The following TASP1 variants were observed in gnomAD, a reference collection of about 807,000 sequenced individuals.
The protein encoded by TASP1 is threonine aspartase 1.
TASP1 carries 16 observed loss-of-function variants against 56.6 expected under a neutral mutation model. That is an observed-to-expected ratio of 0.28 (90% confidence interval 0.19 to 0.43). The LOEUF (loss-of-function observed/expected upper bound fraction) is 0.43. Ranked by LOEUF, TASP1 falls within the 20% of genes least tolerant of loss-of-function variation. TASP1 has a pLI of 1.00. For missense variants in TASP1, 393 were observed against 511.6 expected (o/e 0.77, Z 2.24); for synonymous variants, 179 against 184.2 (o/e 0.97, Z 0.23).
chr20:13,408,364 G>T (rs894035618), intron 13 of TASP1, among the ~76,000 whole-genome samples: 2 of 152,026 alleles, frequency 1.3e-5, no homozygotes, highest in South Asian at 2.1e-4. Context: ...ACCTTATTTG[G>T]TGTCCACGGG....
intron 11 of TASP1, among the ~76,000 whole-genome samples, chr20:13,469,809 T>TTTTTTTTTG (rs2044413593): frequency 8.3e-6 from 1 of 120,654 alleles, no homozygotes; most frequent in Non-Finnish European, 1.8e-5. Context: ...TTTTTTTTTT[T>TTTTTTTTTG]TTTTTTTTTT....
the TASP1 span, among the ~76,000 whole-genome samples, chr20:13,198,651 T>C: frequency 2.0e-5 from 3 of 152,208 alleles, no homozygotes; most frequent in Non-Finnish European, 2.9e-5. Flanking sequence ...ACTATGTTTT[T>C]CAGTTTTAAA....
At chr20:13,365,741 A>G in the TASP1 span, among the ~76,000 whole-genome samples, 1 of 152,224 alleles carries the variant, frequency 6.6e-6, no homozygotes, top group Non-Finnish European at 1.5e-5. Context: ...TATGGTAAGA[A>G]GTTTTGGGTT....
chr20:13,447,905 T>C (rs1159030635), intron 11 of TASP1, among the ~76,000 whole-genome samples: 1 of 152,168 alleles, frequency 6.6e-6, no homozygotes, highest in African/African-American at 2.4e-5. Context: ...GCAAATATTT[T>C]TCCCCAGTTG....
the TASP1 span, among the ~76,000 whole-genome samples, chr20:13,143,886 A>G: frequency 1.3e-5 from 2 of 151,962 alleles, no homozygotes; most frequent in African/African-American, 4.8e-5. Context: ...CTCCTCGCCC[A>G]TTTCAGACAT....
At chr20:13,427,423 G>C (rs1297758116) in intron 12 of TASP1, among the ~76,000 whole-genome samples, 1 of 152,192 alleles carries the variant, frequency 6.6e-6, no homozygotes, top group Non-Finnish European at 1.5e-5. Context: ...TGATTTGATA[G>C]AGCTATGTCT....
At chr20:13,302,117 T>TAGGA in the TASP1 span, among the ~76,000 whole-genome samples, 1 of 152,130 alleles carries the variant, frequency 6.6e-6, no homozygotes, top group South Asian at 2.1e-4. Context: ...TCTAAGGTAT[T>TAGGA]TTTGTTAAGG....
At chr20:13,306,247 T>C in the TASP1 span, among the ~76,000 whole-genome samples, 2 of 152,302 alleles carry the variant, frequency 1.3e-5, no homozygotes, top group East Asian at 3.9e-4. Context: ...CAAGCCTGAC[T>C]TTTAAAAAAG....
intron 11 of TASP1, among the ~76,000 whole-genome samples, chr20:13,439,563 G>A (rs2043142735): frequency 6.6e-6 from 1 of 152,094 alleles, no homozygotes; most frequent in Admixed American, 6.6e-5. Flanking sequence ...GTTAAGTGAC[G>A]AGTTACTGGG....
At chr20:13,524,793 C>T (rs1406471358) in intron 10 of TASP1, among the ~76,000 whole-genome samples, 1 of 152,180 alleles carries the variant, frequency 6.6e-6, no homozygotes, top group Non-Finnish European at 1.5e-5. Flanking sequence ...GACAGAGCTG[C>T]CACTGCCTCT....
At chr20:13,249,850 C>G in the TASP1 span, among the ~76,000 whole-genome samples, 2 of 151,858 alleles carry the variant, frequency 1.3e-5, no homozygotes, top group East Asian at 3.9e-4. Flanking sequence ...CTGGCATGTT[C>G]ATTACAACTT....
At chr20:13,150,855 T>C in the TASP1 span, among the ~76,000 whole-genome samples, 1 of 152,334 alleles carries the variant, frequency 6.6e-6, no homozygotes, top group East Asian at 1.9e-4. Context: ...CTCTAGCTTT[T>C]TGTGTGGTTA....
intron 13 of TASP1, 54 bp from the exon 14 acceptor site, chr20:13,390,506 C>T: frequency 3.9e-6 from 6 of 1,529,134 alleles, no homozygotes; most frequent in Non-Finnish European, 5.4e-6. Context: ...TGTCCCTTGC[C>T]ACACCCCTAC....
chr20:13,466,356 T>C (rs1007593800), intron 11 of TASP1, among the ~76,000 whole-genome samples: 1 of 152,216 alleles, frequency 6.6e-6, no homozygotes. Context: ...CACGCCTTTA[T>C]TTTGACATTG....
chr20:13,483,370 A>G, intron 10 of TASP1, 33 bp from the exon 11 acceptor site: 1 of 1,477,542 alleles, frequency 6.8e-7, no homozygotes, highest in Non-Finnish European at 9.2e-7. Flanking sequence ...AGTTGAGGAA[A>G]AGCAGCACCG....
intron 12 of TASP1, among the ~76,000 whole-genome samples, chr20:13,421,603 C>T (rs1279947922): frequency 6.6e-6 from 1 of 152,040 alleles, no homozygotes; most frequent in Admixed American, 6.6e-5. Flanking sequence ...ATTTACATTA[C>T]TCATACTAAA....
the TASP1 span, among the ~76,000 whole-genome samples, chr20:13,296,720 G>A: frequency 2.6e-5 from 4 of 152,132 alleles, no homozygotes; most frequent in Non-Finnish European, 2.9e-5. Flanking sequence ...TCAAAGTTTG[G>A]TTAAGATGCA....
At chr20:13,195,960 C>T in the TASP1 span, among the ~76,000 whole-genome samples, 2 of 152,072 alleles carry the variant, frequency 1.3e-5, no homozygotes, top group Non-Finnish European at 2.9e-5. Flanking sequence ...CAATGATACC[C>T]AAGTGTATTT....
the TASP1 span, among the ~76,000 whole-genome samples, chr20:13,345,066 C>G: frequency 2.6e-5 from 4 of 152,212 alleles, no homozygotes; most frequent in African/African-American, 7.2e-5. Context: ...GGCTGGATGC[C>G]TAGAAACATC....
Sources: gnomAD v4.1 joint callset for allele counts (sites outside exome capture counted in the v4.1 genomes callset) on GRCh38, gnomAD v4.1.1 for gene constraint, MANE v1.5 for transcripts, NCBI Gene and HGNC (gene_info 2026-07-23, HGNC 2026-07-21) for gene names.